Variants in MVB12B observed in about 807,000 individuals in gnomAD.
MVB12B encodes multivesicular body subunit 12B.
MVB12B carries 16 observed loss-of-function variants against 41.6 expected under a neutral mutation model. That is an observed-to-expected ratio of 0.38 (90% CI 0.26 to 0.58). MVB12B has a LOEUF of 0.58. Among genes scored for constraint, MVB12B ranks in the 20% least tolerant of loss-of-function variants. The pLI is 0.62. For missense variants in MVB12B, 274 were observed against 380.2 expected (o/e 0.72, Z 2.32); for synonymous variants, 133 against 139.7 (o/e 0.95, Z 0.34).
At position 126,484,527 on chromosome 9, in the gene MVB12B, CTT is replaced by C. The variant is rs1833593440; in HGVS notation, c.873+496_873+497del. Among the ~76,000 whole-genome samples the C allele has an allele frequency of 6.8e-4, 3 of 4,388 alleles. 1 individual carries two copies. Among genetic ancestry groups the C allele is most frequent in the Non-Finnish European group, 3.3e-3 (3 of 914 alleles). 2.9% of individuals were successfully genotyped at this position (4,388 alleles called of 152,430 possible). A position where few individuals can be genotyped will look rare whatever the true frequency, so the allele number is the denominator to read the frequency against. ...GTGCTTCATGAGGTCAGGGTACCTTCTTCCACTGTGCTTCATGAGGTCAGGGT... is the reference window on the plus strand; with the variant it reads ...GTGCTTCATGAGGTCAGGGTACCTTCCCACTGTGCTTCATGAGGTCAGGGT... On this transcript the variant is annotated intron_variant, in intron 9 of 9. Transcript: ENST00000361171.
chr9:126,383,283 G>A (rs1255094410), intron 3 of MVB12B, among the ~76,000 whole-genome samples: 1 of 152,168 alleles, frequency 6.6e-6, no homozygotes, highest in East Asian at 1.9e-4. Flanking sequence ...TCCCAATGTA[G>A]GAGTTTTGGG....
intron 2 of MVB12B, among the ~76,000 whole-genome samples, chr9:126,355,609 C>G (rs766373713): frequency 6.6e-6 from 1 of 152,194 alleles, no homozygotes. Flanking sequence ...AGGAAGAAAT[C>G]TTGTTGTCGG....
At chr9:126,494,872 C>T (rs545826611) in intron 9 of MVB12B, among the ~76,000 whole-genome samples, 67 of 151,582 alleles carry the variant, frequency 4.4e-4, no homozygotes, top group South Asian at 1.5e-3. Flanking sequence ...CACCCCACCC[C>T]CCCCCAGGGT....
chr9:126,471,022 GTAT>G (rs558330226), intron 7 of MVB12B, among the ~76,000 whole-genome samples: 1 of 152,286 alleles, frequency 6.6e-6, no homozygotes, highest in South Asian at 2.1e-4. Flanking sequence ...TGCAGTCCAG[GTAT>G]TATTATTTTC....
chr9:126,456,849 G>T (rs930325207), intron 7 of MVB12B, among the ~76,000 whole-genome samples: 1 of 108,316 alleles, frequency 9.2e-6, no homozygotes, highest in African/African-American at 3.5e-5. Flanking sequence ...TAGCGCCCCT[G>T]TTTAACTTCA....
rs759187865 is a variant in MVB12B at position 126,484,046 on chromosome 9, CA to C, written c.873+15del. On this transcript the variant is annotated intron_variant, in intron 9 of 9. Transcript: ENST00000361171. ...ATCGAAAAAGAGGTAAGCAAGCCAT[CA>C]GGGGAGGGGAGGGCAGGCCTGGGCC... is the stretch of plus-strand genomic sequence containing the variant. The C allele has an allele frequency of 2.5e-6, 4 of 1,613,506 alleles. No homozygotes were observed. Among genetic ancestry groups the C allele is most frequent in the Non-Finnish European group, 3.4e-6 (4 of 1,179,752 alleles).
intron 3 of MVB12B, 76 bp downstream of exon 3, chr9:126,381,247 G>A (rs181632546): frequency 1.9e-4 from 200 of 1,067,958 alleles, no homozygotes; most frequent in East Asian, 7.4e-4. Context: ...TCCTCATTTT[G>A]TTGTTGTTGT....
intron 7 of MVB12B, among the ~76,000 whole-genome samples, chr9:126,477,693 G>A (rs1833447370): frequency 6.6e-6 from 1 of 152,184 alleles, no homozygotes; most frequent in Non-Finnish European, 1.5e-5. Flanking sequence ...ACCTCCCACT[G>A]GCTCCCTCCC....
chr9:126,424,430 G>A (rs1832113005), intron 7 of MVB12B, among the ~76,000 whole-genome samples: 1 of 152,126 alleles, frequency 6.6e-6, no homozygotes, highest in African/African-American at 2.4e-5. Context: ...AAGAGACGAA[G>A]GGAATCATTT....
At chr9:126,329,289 C>T (rs1829063954) in intron 1 of MVB12B, among the ~76,000 whole-genome samples, 1 of 152,184 alleles carries the variant, frequency 6.6e-6, no homozygotes, top group Non-Finnish European at 1.5e-5. Flanking sequence ...GCTAATCAGT[C>T]AAGAAGAGCT....
chr9:126,363,621 T>TA (rs1391070407), intron 2 of MVB12B, among the ~76,000 whole-genome samples: 1 of 152,222 alleles, frequency 6.6e-6, no homozygotes, highest in Non-Finnish European at 1.5e-5. Flanking sequence ...TTTTTAGACT[T>TA]ACAGGCAAAT....
chr9:126,503,037 C>G, intron 9 of MVB12B, 140 bp from the exon 10 acceptor site: 1 of 763,438 alleles, frequency 1.3e-6, no homozygotes, highest in South Asian at 1.6e-5. Flanking sequence ...TGGCTGGCAC[C>G]GGCCTGGCCA....
At chr9:126,445,500 C>T (rs1471924732) in intron 7 of MVB12B, among the ~76,000 whole-genome samples, 1 of 152,164 alleles carries the variant, frequency 6.6e-6, no homozygotes, top group South Asian at 2.1e-4. Context: ...GACAGGGTTT[C>T]ACCATGTTGG....
chr9:126,396,113 A>G (rs1831105854), intron 6 of MVB12B: 2 of 992,072 alleles, frequency 2.0e-6, no homozygotes, highest in African/African-American at 1.7e-5. Context: ...CTTCATTTTC[A>G]TATAATTTCT....
chr9:126,396,691 G>T, intron 6 of MVB12B: 1 of 985,398 alleles, frequency 1.0e-6, no homozygotes, highest in African/African-American at 1.7e-5. Context: ...CTGTCCTCTG[G>T]GACATCCCCC....
At chr9:126,366,817 C>T (rs1238844379) in intron 2 of MVB12B, among the ~76,000 whole-genome samples, 2 of 152,148 alleles carry the variant, frequency 1.3e-5, no homozygotes, top group Non-Finnish European at 2.9e-5. Flanking sequence ...GCTTCTGACT[C>T]CACGCAGCCA....
chr9:126,404,890 G>C (rs779609050), intron 6 of MVB12B, among the ~76,000 whole-genome samples: 1 of 152,232 alleles, frequency 6.6e-6, no homozygotes, highest in Non-Finnish European at 1.5e-5. Flanking sequence ...TGAACAGAGC[G>C]GCGGCCGCTC....
intron 2 of MVB12B, among the ~76,000 whole-genome samples, chr9:126,375,198 C>T (rs1830444699): frequency 6.6e-6 from 1 of 152,072 alleles, no homozygotes; most frequent in Non-Finnish European, 1.5e-5. Context: ...CATTGAATAC[C>T]ACTGAATCAA....
At chr9:126,458,199 C>T (rs1303072216) in intron 7 of MVB12B, among the ~76,000 whole-genome samples, 2 of 152,162 alleles carry the variant, frequency 1.3e-5, no homozygotes, top group Non-Finnish European at 2.9e-5. Flanking sequence ...GGTTCTGTTA[C>T]TCGCCCACCA....
Sources: gnomAD v4.1 joint callset for allele counts (sites outside exome capture counted in the v4.1 genomes callset) on GRCh38, gnomAD v4.1.1 for gene constraint, MANE v1.5 for transcripts, NCBI Gene and HGNC (gene_info 2026-07-23, HGNC 2026-07-21) for gene names.